Variants in SLC14A2 observed in about 807,000 individuals in gnomAD.
SLC14A2 encodes solute carrier family 14 member 2.
In SLC14A2, 91 loss-of-function variants were observed where a neutral mutation model predicts 104.6. The ratio of observed to expected loss-of-function variants is 0.87; its 90% CI spans 0.73 to 1.04. The LOEUF (loss-of-function observed/expected upper bound fraction) is 1.04, where lower values mean the gene tolerates loss of function less well. Ranked by LOEUF, SLC14A2 falls within the 50% of genes least tolerant of loss-of-function variation. The pLI, the probability that SLC14A2 is intolerant of heterozygous loss-of-function variation, is 0.00. For missense variants in SLC14A2, 1,189 were observed against 1,156.0 expected, an observed-to-expected ratio of 1.03 and a Z score of -0.41; for synonymous variants, 476 against 466.4, an observed-to-expected ratio of 1.02 and a Z score of -0.27.
At chr18:45,610,277 C>T (rs1452539366) in intron 2 of SLC14A2, among the ~76,000 whole-genome samples, 1 of 152,090 alleles carries the variant, frequency 6.6e-6, no homozygotes, top group Non-Finnish European at 1.5e-5. Flanking sequence ...GATGCTGAAC[C>T]CTCATTCACC....
At chr18:45,588,887 T>C (rs2044607242) in intron 2 of SLC14A2, among the ~76,000 whole-genome samples, 1 of 151,896 alleles carries the variant, frequency 6.6e-6, no homozygotes, top group African/African-American at 2.4e-5. Flanking sequence ...ATGCACAGTT[T>C]GAAGCAAGGG....
At chr18:45,218,205 A>G (rs931545066) in intron 1 of SLC14A2, among the ~76,000 whole-genome samples, 2 of 152,164 alleles carry the variant, frequency 1.3e-5, no homozygotes, top group African/African-American at 4.8e-5. Context: ...GGCAACCACC[A>G]TTATTTATGT....
chr18:45,177,996 C>T, the SLC14A2 span, among the ~76,000 whole-genome samples: 3 of 152,102 alleles, frequency 2.0e-5, no homozygotes, highest in African/African-American at 7.2e-5. Context: ...TCTTCTTCAG[C>T]CTATGCTTCA....
rs1003026104 is a variant in SLC14A2 at position 45,392,526 on chromosome 18, C to T, written c.-124-90707C>T. Among the ~76,000 whole-genome samples the T allele has an allele frequency of 2.0e-5, 3 of 152,106 alleles. No individual in the cohort carries two copies. The East Asian group carries it at 5.8e-4, about 29-fold the overall frequency. On this transcript the variant is annotated intron_variant, in intron 1 of 20. Transcript: ENST00000586448. ...TAGCATATTTTTAAAAGATTTTTAG[C>T]TAAAATGGCTATTTGCTTTAGATGT...
At chr18:45,506,521 A>G (rs2043287850) in intron 2 of SLC14A2, among the ~76,000 whole-genome samples, 1 of 152,224 alleles carries the variant, frequency 6.6e-6, no homozygotes, top group Admixed American at 6.5e-5. Context: ...ATAATCCTAG[A>G]TAGGGCGGAC....
At chr18:45,510,456 G>A (rs188925484) in intron 2 of SLC14A2, among the ~76,000 whole-genome samples, 2 of 152,214 alleles carry the variant, frequency 1.3e-5, no homozygotes, top group East Asian at 3.9e-4. Context: ...TCCTACTGTG[G>A]AGGCAGGGAG....
intron 2 of SLC14A2, among the ~76,000 whole-genome samples, chr18:45,516,766 G>A (rs1448537426): frequency 6.6e-6 from 1 of 152,198 alleles, no homozygotes; most frequent in Non-Finnish European, 1.5e-5. Context: ...TATAAGTAAA[G>A]ATGGGAGAAG....
At chr18:45,248,825 G>A (rs529268251) in intron 1 of SLC14A2, among the ~76,000 whole-genome samples, 2 of 152,236 alleles carry the variant, frequency 1.3e-5, no homozygotes, top group East Asian at 1.9e-4. Context: ...AGGCAATTTA[G>A]GTCAAAATTC....
At chr18:45,425,504 T>A (rs556986552) in intron 1 of SLC14A2, among the ~76,000 whole-genome samples, 1 of 152,280 alleles carries the variant, frequency 6.6e-6, no homozygotes, top group Non-Finnish European at 1.5e-5. Flanking sequence ...GTCCCCCTGA[T>A]GAATTGCCAG....
At chr18:45,675,259 A>T (rs1393401875) in intron 18 of SLC14A2, among the ~76,000 whole-genome samples, 1 of 152,170 alleles carries the variant, frequency 6.6e-6, no homozygotes, top group Non-Finnish European at 1.5e-5. Flanking sequence ...TCTAACATTT[A>T]TTGGTTTTCA....
At chr18:45,449,545 C>A (rs747420230) in intron 1 of SLC14A2, among the ~76,000 whole-genome samples, 6 of 152,162 alleles carry the variant, frequency 3.9e-5, no homozygotes, top group Non-Finnish European at 7.3e-5. Flanking sequence ...CCAGTCAGGC[C>A]TCAGCAAGTG....
chr18:45,541,234 T>G (rs2043879344), intron 2 of SLC14A2, among the ~76,000 whole-genome samples: 1 of 152,182 alleles, frequency 6.6e-6, no homozygotes. Flanking sequence ...TGCACACGTG[T>G]GCCCCTGTGC....
intron 1 of SLC14A2, among the ~76,000 whole-genome samples, chr18:45,372,560 T>G (rs2085734515): frequency 6.6e-6 from 1 of 151,824 alleles, no homozygotes; most frequent in Non-Finnish European, 1.5e-5. Flanking sequence ...AGACACAGAG[T>G]CGCTGGTAGA....
At chr18:45,423,685 A>G (rs1450934687) in intron 1 of SLC14A2, 1 of 152,250 alleles carries the variant, frequency 6.6e-6, no homozygotes, top group Non-Finnish European at 1.5e-5. Context: ...TTTTAAAAAA[A>G]TAATTTTGTT....
chr18:45,491,562 CAG>C (rs1568238071), intron 2 of SLC14A2, among the ~76,000 whole-genome samples: 1 of 152,006 alleles, frequency 6.6e-6, no homozygotes, highest in Admixed American at 6.6e-5. Context: ...AAAAATAAAT[CAG>C]AGAAATATTA....
chr18:45,675,709 A>ATATATATATATATATTTT (rs57989993), intron 18 of SLC14A2, among the ~76,000 whole-genome samples: 4 of 78,382 alleles, frequency 5.1e-5, no homozygotes, highest in African/African-American at 2.0e-4. Flanking sequence ...ATATATATAT[A>ATATATATATATATATTTT]TTTTTTTTTT....
chr18:45,657,288 A>G (rs1327801336), intron 10 of SLC14A2, among the ~76,000 whole-genome samples: 1 of 151,758 alleles, frequency 6.6e-6, no homozygotes, highest in East Asian at 1.9e-4. Context: ...CCTAGCTAAC[A>G]CCGTGAAACC....
chr18:45,510,050 G>T (rs2043342983), intron 2 of SLC14A2, among the ~76,000 whole-genome samples: 1 of 152,148 alleles, frequency 6.6e-6, no homozygotes, highest in Non-Finnish European at 1.5e-5. Context: ...CCTCCTCACT[G>T]TCCTTCCAAG....
the SLC14A2 span, among the ~76,000 whole-genome samples, chr18:45,193,877 T>G: frequency 6.6e-6 from 1 of 152,168 alleles, no homozygotes; most frequent in Non-Finnish European, 1.5e-5. Flanking sequence ...TTAGGCCTTC[T>G]TCAATTTCTC....
Sources: allele counts gnomAD v4.1 joint callset (sites outside exome capture counted in the v4.1 genomes callset), GRCh38; gene constraint gnomAD v4.1.1; transcripts MANE v1.5; gene names NCBI Gene and HGNC (gene_info 2026-07-23, HGNC 2026-07-21).